Variants in P2RX7 observed in about 807,000 individuals in gnomAD.
The protein encoded by P2RX7 is purinergic receptor P2X 7, also known as P2X purinoceptor 7.
Under a neutral mutation model 71.6 loss-of-function variants are expected in P2RX7, and 62 were observed. The observed-to-expected ratio is 0.87, with a 90% CI of 0.71 to 1.07. The LOEUF (loss-of-function observed/expected upper bound fraction) is 1.07, where lower values mean the gene tolerates loss of function less well. Among genes scored for constraint, P2RX7 ranks in the 50% least tolerant of loss-of-function variants. P2RX7 has a pLI of 0.00. For missense variants in P2RX7, 686 were observed against 748.5 expected, an observed-to-expected ratio of 0.92 and a Z score of 0.97; for synonymous variants, 299 against 283.3, an observed-to-expected ratio of 1.06 and a Z score of -0.56.
chr12:121,155,375 G>A, intron 2 of P2RX7: 1 of 1,293,190 alleles, frequency 7.7e-7, no homozygotes, highest in Non-Finnish European at 1.0e-6. Flanking sequence ...CCATTCTTGG[G>A]TACATTTTTC....
chr12:121,156,636 C>T (rs1219813669), intron 3 of P2RX7, among the ~76,000 whole-genome samples: 1 of 152,192 alleles, frequency 6.6e-6, no homozygotes, highest in Non-Finnish European at 1.5e-5. Flanking sequence ...ACAGCTTCTC[C>T]TACCATGGTT....
intron 7 of P2RX7, among the ~76,000 whole-genome samples, chr12:121,166,544 G>A (rs1881077148): frequency 6.6e-6 from 1 of 152,178 alleles, no homozygotes; most frequent in African/African-American, 2.4e-5. Flanking sequence ...GGAGAATCCA[G>A]TTCCTCAGCT....
At position 121,184,634 on chromosome 12, in the gene P2RX7, C is replaced by T. The variant is rs190925115; in HGVS notation, c.1620C>T (p.Ser540=). Residue 540 remains serine, a synonymous_variant, in exon 13 of 13, where the codon TCC becomes TCT. Transcript: ENST00000328963. ...CCTTGCTGGCGCTGGATGTGGATTC[C>T]ACCAACAGCCGGCTGCGGCACTGTG... ...QEPLLALDVD[S]TNSRLRHCAY... 5.2e-5 allele frequency: 84 copies of T among 1,608,478 alleles called. 2 individuals are homozygous for T. In the Admixed American group the frequency reaches 1.4e-3, roughly 27 times the overall value.
At chr12:121,138,807 C>T (rs1874240760) in intron 1 of P2RX7, among the ~76,000 whole-genome samples, 1 of 152,380 alleles carries the variant, frequency 6.6e-6, no homozygotes, top group African/African-American at 2.4e-5. Context: ...ACCAGGAGCC[C>T]TGCTCCTCAT....
intron 1 of P2RX7, among the ~76,000 whole-genome samples, chr12:121,136,647 C>CTTTTTTTTTTTTTTTTTT (rs66894143): frequency 2.5e-5 from 3 of 119,250 alleles, no homozygotes; most frequent in Non-Finnish European, 3.4e-5. Flanking sequence ...TTCTTTCTTT[C>CTTTTTTTTTTTTTTTTTT]TTTTTTTTTT....
rs762722693 is a variant in P2RX7, at chr12:121,167,581, G to A, written c.838G>A (p.Asp280Asn). 4.3e-6 allele frequency: 7 copies of A among 1,610,932 alleles called. No homozygotes were observed. Among genetic ancestry groups the A allele is most frequent in the South Asian group, 2.2e-5 (2 of 90,710 alleles). The change falls in exon 8 of 13, where the codon GAC (aspartate) becomes AAC (asparagine). Residue 280 changes from aspartate to asparagine, a missense_variant. Coordinates refer to ENST00000328963, the MANE Select transcript of P2RX7 (RefSeq NM_002562.6). ...RPKYSFRRLD[D>N]KTTNVSLYPG... ...CAAATACAGTTTCCGTCGCCTTGACGACAAGACCACCAACGTGTCCTTGTA... is the reference window on the plus strand; with the variant it reads ...CAAATACAGTTTCCGTCGCCTTGACAACAAGACCACCAACGTGTCCTTGTA...
At position 121,138,669 on chromosome 12, in the gene P2RX7, G is replaced by A. The variant is rs1251947042; in HGVS notation, c.125+5574G>A. On this transcript the variant is annotated intron_variant, in intron 1 of 12. Transcript: ENST00000328963. ...GATCTATTACAAGGTCTTTCCAAAA[G>A]CCAGAAATTAGGGATTTCTAAGTGT... is the stretch of plus-strand genomic sequence containing the variant. Among the ~76,000 whole-genome samples the A allele has an allele frequency of 3.3e-5, 5 of 152,256 alleles. No individual in the cohort carries two copies. In the South Asian group the frequency reaches 6.2e-4, roughly 19 times the overall value.
chr12:121,171,632 A>G (rs1420631556), intron 8 of P2RX7, among the ~76,000 whole-genome samples: 2 of 151,982 alleles, frequency 1.3e-5, no homozygotes, highest in Non-Finnish European at 2.9e-5. Flanking sequence ...ATACTTGAAC[A>G]TATCTTATTT....
chr12:121,164,169 G>C (rs1880512262), intron 5 of P2RX7, among the ~76,000 whole-genome samples: 1 of 152,150 alleles, frequency 6.6e-6, no homozygotes. Context: ...TGCATCTCCA[G>C]TGTGCCTGCC....
intron 1 of P2RX7, among the ~76,000 whole-genome samples, chr12:121,153,594 C>T (rs1877931258): frequency 6.6e-6 from 1 of 152,188 alleles, no homozygotes; most frequent in Non-Finnish European, 1.5e-5. Flanking sequence ...AGGAGAATCA[C>T]TTGAACCCGG....
intron 2 of P2RX7, among the ~76,000 whole-genome samples, chr12:121,155,680 T>C (rs1166992671): frequency 1.3e-5 from 2 of 152,072 alleles, no homozygotes; most frequent in Non-Finnish European, 2.9e-5. Context: ...GATGCCCTAG[T>C]GCCCTTTCAT....
At chr12:121,163,471 G>C (rs1880252926) in intron 5 of P2RX7, among the ~76,000 whole-genome samples, 1 of 152,004 alleles carries the variant, frequency 6.6e-6, no homozygotes, top group Non-Finnish European at 1.5e-5. Flanking sequence ...CTGTCCAATA[G>C]GGCAGCTACT....
At chr12:121,173,557 T>C (rs1882564864) in intron 8 of P2RX7, among the ~76,000 whole-genome samples, 1 of 152,144 alleles carries the variant, frequency 6.6e-6, no homozygotes, top group Non-Finnish European at 1.5e-5. Context: ...TACCAGGCCA[T>C]GCCATGCTAG....
chr12:121,149,051 TG>T lies in P2RX7; in HGVS notation c.126-5733del. The T allele has an allele frequency of 1.7e-6, 1 of 583,112 alleles. No individual in the cohort carries two copies. Among genetic ancestry groups the T allele is most frequent in the Non-Finnish European group, 3.4e-6 (1 of 296,756 alleles). The allele number at this position is 583,112 out of a possible 1,614,324, so 36.1% of individuals were successfully genotyped here. On this transcript the variant is annotated intron_variant, in intron 1 of 12. Coordinates refer to ENST00000328963, the MANE Select transcript of P2RX7 (RefSeq NM_002562.6). The surrounding 1 kb of genome is among the most constrained non-coding windows in gnomAD (Gnocchi z 4.7). ...ACTTTGCTGAAAGGGAGGTCCTCCCTGCAGAGCTTGAAGAGCAATCTAACCA... is the reference window on the plus strand; with the variant it reads ...ACTTTGCTGAAAGGGAGGTCCTCCCTCAGAGCTTGAAGAGCAATCTAACCA...
At chr12:121,176,328 C>G (rs1344535713) in intron 9 of P2RX7, among the ~76,000 whole-genome samples, 3 of 151,776 alleles carry the variant, frequency 2.0e-5, no homozygotes, top group Non-Finnish European at 2.9e-5. Context: ...GGAAAAGATG[C>G]CAGCTATGCA....
At position 121,155,570 on chromosome 12, in the gene P2RX7, G is replaced by T. The variant is rs376941717; in HGVS notation, c.295-509G>T. Among the ~76,000 whole-genome samples the T allele has an allele frequency of 8.5e-5, 13 of 152,214 alleles. No homozygotes were observed. In the South Asian group the frequency reaches 1.7e-3, roughly 19 times the overall value. ...AGAGGGACAAAGGGGCACGTTTGCG[G>T]CTTGGGGAGCTAAAATGCTTTGCAA... On this transcript the variant is annotated intron_variant, in intron 2 of 12. Transcript: ENST00000328963.
At chr12:121,141,473 G>C (rs1447220282) in intron 1 of P2RX7, among the ~76,000 whole-genome samples, 1 of 152,208 alleles carries the variant, frequency 6.6e-6, no homozygotes, top group Non-Finnish European at 1.5e-5. Context: ...CGGTACAGTG[G>C]CAGAGAAGGC....
chr12:121,153,565 C>A (rs1381618811), intron 1 of P2RX7, among the ~76,000 whole-genome samples: 4 of 152,128 alleles, frequency 2.6e-5, no homozygotes, highest in Non-Finnish European at 5.9e-5. Context: ...GTAATCCCAG[C>A]TACTCGGAAG....
chr12:121,142,950 G>A (rs608425), intron 1 of P2RX7, among the ~76,000 whole-genome samples: 16,223 of 151,186 alleles, frequency 0.11, 1,115 homozygotes, highest in African/African-American at 0.2. Flanking sequence ...TTAGCTGGGC[G>A]CGCACCTGTA....
Sources: gnomAD v4.1 joint callset for allele counts (sites outside exome capture counted in the v4.1 genomes callset) on GRCh38, gnomAD v4.1.1 for gene constraint, Gnocchi (gnomAD v3.1) non-coding constraint, MANE v1.5 for transcripts, NCBI Gene and HGNC (gene_info 2026-07-23, HGNC 2026-07-21) for gene names.